Variants in HTR2A observed in about 807,000 individuals in gnomAD.
HTR2A encodes 5-HT2 receptor.
A neutral mutation model predicts 31.0 loss-of-function variants in HTR2A; 14 were observed. The ratio of observed to expected loss-of-function variants is 0.45; its 90% CI spans 0.30 to 0.71. HTR2A has a LOEUF of 0.71. Among genes scored for constraint, HTR2A ranks in the 30% least tolerant of loss-of-function variants. HTR2A has a pLI of 0.09. For missense variants in HTR2A, 442 were observed against 573.3 expected (o/e 0.77, Z 2.34); for synonymous variants, 209 against 225.2 (o/e 0.93, Z 0.64).
intron 3 of HTR2A, among the ~76,000 whole-genome samples, chr13:46,868,359 T>C (rs748105113): frequency 4.6e-5 from 7 of 152,142 alleles, no homozygotes; most frequent in Non-Finnish European, 8.8e-5. Context: ...AGATTTAACA[T>C]TTGCACAAGG....
At chr13:46,894,529 CCTT>C (rs777473401) in intron 2 of HTR2A, among the ~76,000 whole-genome samples, 2 of 152,202 alleles carry the variant, frequency 1.3e-5, no homozygotes, top group Non-Finnish European at 2.9e-5. Flanking sequence ...CCGCCTTCCT[CCTT>C]CACATTCTCT....
chr13:46,837,765 TGGCCA>T (rs1950571551), intron 3 of HTR2A, among the ~76,000 whole-genome samples: 1 of 152,254 alleles, frequency 6.6e-6, no homozygotes, highest in African/African-American at 2.4e-5. Context: ...TTGGCCATCG[TGGCCA>T]GGAAAGAACG....
chr13:46,880,220 AC>A (rs1950949592), intron 3 of HTR2A, among the ~76,000 whole-genome samples: 1 of 152,200 alleles, frequency 6.6e-6, no homozygotes, highest in Non-Finnish European at 1.5e-5. Context: ...GGAGTAGGAT[AC>A]TAGGACACAG....
chr13:46,841,098 A>T (rs1323376978), intron 3 of HTR2A, among the ~76,000 whole-genome samples: 1 of 152,122 alleles, frequency 6.6e-6, no homozygotes, highest in Admixed American at 6.6e-5. Context: ...CCACCATGTA[A>T]GATGCACCTG....
At chr13:46,856,752 A>G (rs538281200) in intron 3 of HTR2A, among the ~76,000 whole-genome samples, 4 of 152,192 alleles carry the variant, frequency 2.6e-5, no homozygotes, top group Non-Finnish European at 5.9e-5. Context: ...TTACACAACA[A>G]ATCCATTCAT....
At chr13:46,845,822 AAAT>A (rs1314634463) in intron 3 of HTR2A, among the ~76,000 whole-genome samples, 1 of 152,174 alleles carries the variant, frequency 6.6e-6, no homozygotes, top group African/African-American at 2.4e-5. Context: ...GGAGAAAGGA[AAAT>A]AATATCTTAT....
chr13:46,845,656 A>AAG (rs1555297060), intron 3 of HTR2A, among the ~76,000 whole-genome samples: 6 of 151,124 alleles, frequency 4.0e-5, no homozygotes, highest in African/African-American at 1.5e-4. Flanking sequence ...AAAAAAAAAA[A>AAG]AAAAGAAAAA....
At chr13:46,869,044 A>G (rs556603882) in intron 3 of HTR2A, among the ~76,000 whole-genome samples, 1 of 152,304 alleles carries the variant, frequency 6.6e-6, no homozygotes, top group East Asian at 1.9e-4. Flanking sequence ...TGAAGTAGAT[A>G]CGTCACCAAA....
chr13:46,848,074 C>A (rs1236433949), intron 3 of HTR2A, among the ~76,000 whole-genome samples: 1 of 152,144 alleles, frequency 6.6e-6, no homozygotes, highest in Non-Finnish European at 1.5e-5. Flanking sequence ...AAGATGAAGA[C>A]CTTTTGGTTT....
At chr13:46,892,278 C>A in intron 3 of HTR2A, 112 bp downstream of exon 3, 1 of 1,034,112 alleles carries the variant, frequency 9.7e-7, no homozygotes, top group South Asian at 1.4e-5. Flanking sequence ...CTTGCACCAC[C>A]CAAAACAGTA....
chr13:46,839,340 A>G (rs536523651), intron 3 of HTR2A, among the ~76,000 whole-genome samples: 1 of 152,314 alleles, frequency 6.6e-6, no homozygotes, highest in East Asian at 1.9e-4. Context: ...AATACTCTAT[A>G]AAGAGGAGAG....
chr13:46,860,006 A>G (rs2138212565), intron 3 of HTR2A, among the ~76,000 whole-genome samples: 1 of 152,270 alleles, frequency 6.6e-6, no homozygotes, highest in South Asian at 2.1e-4. Flanking sequence ...CGGTTGTTAA[A>G]ATTCAAAGTC....
chr13:46,886,390 T>A (rs1178856767), intron 3 of HTR2A, among the ~76,000 whole-genome samples: 1 of 152,050 alleles, frequency 6.6e-6, no homozygotes, highest in Non-Finnish European at 1.5e-5. Flanking sequence ...AAATATAAGA[T>A]GGAAGGGCTA....
At position 46,834,554 on chromosome 13, in the gene HTR2A, A is replaced by T; in HGVS notation, c.*283T>A. ...TTAATTTAGATTTACTTAGGGCTTC[A>T]TAATTATACAATAAAAGTGAATCAT... On this transcript the variant is annotated 3_prime_UTR_variant, in exon 4 of 4. Transcript: ENST00000542664. The T allele has an allele frequency of 2.9e-6, 1 of 342,862 alleles. No individual in the cohort carries two copies. The highest frequency in any genetic ancestry group is 2.1e-5 in the African/African-American group (1 of 48,094). 21.2% of individuals were successfully genotyped at this position (342,862 alleles called of 1,614,324 possible). A position where few individuals can be genotyped will look rare whatever the true frequency, so the allele number is the denominator to read the frequency against.
intron 3 of HTR2A, among the ~76,000 whole-genome samples, chr13:46,887,653 TAAATG>T (rs1951018011): frequency 6.6e-6 from 1 of 151,730 alleles, no homozygotes; most frequent in Non-Finnish European, 1.5e-5. Flanking sequence ...TATAAAGAAT[TAAATG>T]AAAAAATCTA....
intron 3 of HTR2A, among the ~76,000 whole-genome samples, chr13:46,863,723 A>G (rs1338189085): frequency 1.3e-5 from 2 of 152,004 alleles, no homozygotes; most frequent in African/African-American, 2.4e-5. Flanking sequence ...CCACAATGAG[A>G]TACCATCTCA....
intron 3 of HTR2A, among the ~76,000 whole-genome samples, chr13:46,871,875 G>C (rs1950865390): frequency 6.6e-6 from 1 of 152,188 alleles, no homozygotes; most frequent in Non-Finnish European, 1.5e-5. Context: ...GAATTATAGA[G>C]CTGGAAAGAA....
chr13:46,835,620 T>C lies in HTR2A; in HGVS notation c.633A>G (p.Pro211=). 1 of 1,613,232 alleles carries C rather than the reference T, an allele frequency of 6.2e-7. No homozygotes were observed. The highest frequency in any genetic ancestry group is 8.5e-7 in the Non-Finnish European group (1 of 1,179,484). Residue 211 remains proline (P), a synonymous_variant, in exon 4 of 4, where the codon CCA becomes CCG. Coordinates refer to ENST00000542664, the MANE Select transcript of HTR2A (RefSeq NM_000621.5). ...TCGAATCGTCCTGTAGCCCAAAGAC[T>C]GGTATTGGCATGGATATACCTGGAG... is the stretch of plus-strand genomic sequence containing the variant. ...TISVGISMPI[P]VFGLQDDSKV...
At chr13:46,843,649 G>A (rs1363068355) in intron 3 of HTR2A, among the ~76,000 whole-genome samples, 1 of 152,162 alleles carries the variant, frequency 6.6e-6, no homozygotes, top group Non-Finnish European at 1.5e-5. Context: ...AAAGCCCAGA[G>A]CACCATGGGG....
Sources: gnomAD v4.1 joint callset for allele counts (sites outside exome capture counted in the v4.1 genomes callset) on GRCh38, gnomAD v4.1.1 for gene constraint, MANE v1.5 for transcripts, NCBI Gene and HGNC (gene_info 2026-07-23, HGNC 2026-07-21) for gene names.